KBTBD11: variants seen among roughly 807,000 people sequenced by gnomAD.
KBTBD11 encodes the protein kelch repeat and BTB domain-containing protein 11.
For synonymous variants in KBTBD11, 747 were observed against 499.0 expected, an observed-to-expected ratio of 1.50 and a Z score of -6.63; for missense variants, 1,390 against 1,001.8, an observed-to-expected ratio of 1.39 and a Z score of -5.23.
rs1294044343 is a variant in KBTBD11 at position 2,002,382 on chromosome 8, C to A, written c.1190C>A (p.Pro397His). 2.7e-6 allele frequency: 4 copies of A among 1,480,032 alleles called. No individual in the cohort carries two copies. The highest frequency in any genetic ancestry group is 1.3e-5 in the South Asian group (1 of 79,366). 91.7% of individuals were successfully genotyped at this position (1,480,032 alleles called of 1,614,324 possible). The change falls in exon 2 of 2, where the codon CCC becomes CAC. Residue 397 changes from proline to histidine, a missense_variant. Transcript: ENST00000320248. This position sits in a 1 kb window ranked among gnomAD's most constrained non-coding sequence, Gnocchi z 4.1. Reference protein sequence around the residue: ...PATDSWSAVRPLRQARSQLRL... With the variant: ...PATDSWSAVRHLRQARSQLRL... ...ACGGACAGCTGGAGCGCCGTGAGGC[C>A]CCTGCGCCAGGCGCGCTCGCAGCTG...
chr8:1,982,432 C>G (rs1816568262), intron 1 of KBTBD11, among the ~76,000 whole-genome samples: 1 of 152,134 alleles, frequency 6.6e-6, no homozygotes, highest in South Asian at 2.1e-4. Context: ...TAAATGCATT[C>G]AGTTCTCCAA....
At chr8:1,996,546 G>A (rs543317835) in intron 1 of KBTBD11, among the ~76,000 whole-genome samples, 1 of 152,056 alleles carries the variant, frequency 6.6e-6, no homozygotes, top group East Asian at 1.9e-4. Context: ...GGGATTACAG[G>A]CTTGAGCCAC....
chr8:1,980,061 C>G (rs1383332997), intron 1 of KBTBD11, among the ~76,000 whole-genome samples: 1 of 152,160 alleles, frequency 6.6e-6, no homozygotes, highest in Non-Finnish European at 1.5e-5. Flanking sequence ...CCTGAAAGTG[C>G]TGTGGGGTTT....
At chr8:1,974,662 C>T (rs1342324919) in intron 1 of KBTBD11, 14 of 985,288 alleles carry the variant, frequency 1.4e-5, no homozygotes, top group Non-Finnish European at 1.7e-5. Context: ...GCAGCCCCCG[C>T]CCCATGTGCT....
chr8:1,974,213 C>T, intron 1 of KBTBD11: 8 of 874,920 alleles, frequency 9.1e-6, no homozygotes, highest in Non-Finnish European at 1.1e-5. Flanking sequence ...CTCCGCTCCG[C>T]CTCCGGGAGG....
intron 1 of KBTBD11, among the ~76,000 whole-genome samples, chr8:1,991,289 C>T (rs1816906483): frequency 6.6e-6 from 1 of 152,238 alleles, no homozygotes; most frequent in Non-Finnish European, 1.5e-5. Flanking sequence ...AACTCCAGGA[C>T]TGCCTGGTGA....
intron 1 of KBTBD11, among the ~76,000 whole-genome samples, chr8:1,980,138 A>G (rs1167189359): frequency 6.6e-6 from 1 of 151,552 alleles, no homozygotes; most frequent in African/African-American, 2.4e-5. Flanking sequence ...ATTAGATGGG[A>G]TTTGATATTT....
chr8:2,001,800 A>G lies in KBTBD11; in HGVS notation c.608A>G (p.Asn203Ser). The change falls in exon 2 of 2, where the codon AAC (asparagine) becomes AGC (serine). Residue 203 changes from asparagine (N) to serine (S), a missense_variant. Physicochemically the swap from Asn to Ser is conservative, Grantham distance 46. Coordinates refer to ENST00000320248, the MANE Select transcript of KBTBD11 (RefSeq NM_014867.3). ...CGCATGGCGGGCGTGCGGCCCGACA[A>G]CGTGGCCGAGGTGGTGGCCGGCGCG... ...SGRMAGVRPDNVAEVVAGARR... is the reference protein window; with the variant it reads ...SGRMAGVRPDSVAEVVAGARR... The G allele has an allele frequency of 8.0e-7, 1 of 1,248,824 alleles. No homozygotes were observed. The highest frequency in any genetic ancestry group is 1.0e-6 in the Non-Finnish European group (1 of 1,000,698). The allele number at this position is 1,248,824 out of a possible 1,614,324, so 77.4% of individuals were successfully genotyped here.
intron 1 of KBTBD11, among the ~76,000 whole-genome samples, chr8:1,982,400 C>A (rs2129309632): frequency 6.6e-6 from 1 of 152,254 alleles, no homozygotes; most frequent in South Asian, 2.1e-4. Flanking sequence ...TAAGTTCTTA[C>A]CTATCATAAT....
Position 1,973,748 on chromosome 8 carries a change from C to A in KBTBD11, c.-1096C>A. 1 of 983,788 alleles carries A rather than the reference C, an allele frequency of 1.0e-6. No individual in the cohort carries two copies. The highest frequency in any genetic ancestry group is 1.2e-6 in the Non-Finnish European group (1 of 829,368). 60.9% of individuals were successfully genotyped at this position (983,788 alleles called of 1,614,324 possible). On this transcript the variant is annotated 5_prime_UTR_variant, in exon 1 of 2. Coordinates refer to ENST00000320248, the MANE Select transcript of KBTBD11 (RefSeq NM_014867.3). Reference sequence around the variant, plus strand: ...CGCGCGGCCTGGAGAGGCGGAGAGGCCTGTCCACCGCCCCCTCTGCCGCCC... The same window carrying A: ...CGCGCGGCCTGGAGAGGCGGAGAGGACTGTCCACCGCCCCCTCTGCCGCCC...
At chr8:1,990,067 C>T (rs779258699) in intron 1 of KBTBD11, among the ~76,000 whole-genome samples, 1 of 151,448 alleles carries the variant, frequency 6.6e-6, no homozygotes, top group African/African-American at 2.4e-5. Context: ...TATTTCTGTG[C>T]ATTGAGCATT....
chr8:1,983,557 T>A (rs1377151866), intron 1 of KBTBD11, among the ~76,000 whole-genome samples: 1 of 152,212 alleles, frequency 6.6e-6, no homozygotes, highest in African/African-American at 2.4e-5. Flanking sequence ...CTTTTGGTCT[T>A]CACTAGTTGT....
intron 1 of KBTBD11, among the ~76,000 whole-genome samples, chr8:1,994,502 G>T (rs1335516196): frequency 6.6e-6 from 1 of 152,270 alleles, no homozygotes; most frequent in Admixed American, 6.5e-5. Flanking sequence ...GGGCAGTGGA[G>T]CCAGTTGCTT....
intron 1 of KBTBD11, among the ~76,000 whole-genome samples, chr8:1,989,887 C>T (rs1371698435): frequency 6.7e-6 from 1 of 148,836 alleles, no homozygotes; most frequent in Non-Finnish European, 1.5e-5. Flanking sequence ...TTGTGAGGGC[C>T]AGCTCACTAG....
chr8:1,977,910 C>G (rs1023269849), intron 1 of KBTBD11, among the ~76,000 whole-genome samples: 1 of 152,218 alleles, frequency 6.6e-6, no homozygotes, highest in Non-Finnish European at 1.5e-5. Flanking sequence ...ATGCAGTTCA[C>G]AGTTCTGAAT....
intron 1 of KBTBD11, among the ~76,000 whole-genome samples, chr8:1,977,655 C>G (rs1308542475): frequency 6.6e-6 from 1 of 151,706 alleles, no homozygotes; most frequent in Non-Finnish European, 1.5e-5. Context: ...TCTCGAGTAG[C>G]TGGGATTACA....
At chr8:1,974,018 C>T (rs2129306171) in intron 1 of KBTBD11, 83 bp downstream of exon 1, 1 of 177,076 alleles carries the variant, frequency 5.6e-6, no homozygotes, top group Non-Finnish European at 8.8e-6. Context: ...GAGGGGGCGG[C>T]GGGTGGGAGG....
chr8:1,977,814 G>C (rs1816400709), intron 1 of KBTBD11, among the ~76,000 whole-genome samples: 1 of 152,128 alleles, frequency 6.6e-6, no homozygotes, highest in South Asian at 2.1e-4. Context: ...GGGATTACAG[G>C]CATGAACCAC....
intron 1 of KBTBD11, among the ~76,000 whole-genome samples, chr8:1,983,135 G>C (rs779026674): frequency 6.6e-6 from 1 of 152,202 alleles, no homozygotes; most frequent in Admixed American, 6.6e-5. Context: ...TAGAGGCCAT[G>C]AGTTGGATGG....
Sources: allele counts gnomAD v4.1 joint callset (sites outside exome capture counted in the v4.1 genomes callset), GRCh38; gene constraint gnomAD v4.1.1; non-coding constraint Gnocchi (gnomAD v3.1); transcripts MANE v1.5; gene names NCBI Gene and HGNC (gene_info 2026-07-23, HGNC 2026-07-21).